Variants in HERC5 observed in about 807,000 individuals in gnomAD.
The protein encoded by HERC5 is HECT and RLD domain containing E3 ubiquitin protein ligase 5.
Under a neutral mutation model 119.6 loss-of-function variants are expected in HERC5, and 99 were observed. That is an observed-to-expected ratio of 0.83 (90% CI 0.70 to 0.98). HERC5 has a LOEUF of 0.98. HERC5 is among the 50% of genes least tolerant of loss of function. The pLI is 0.00. For missense variants in HERC5, 1,267 were observed against 1,241.3 expected (o/e 1.02, Z -0.31); for synonymous variants, 478 against 445.9 (o/e 1.07, Z -0.91).
In HERC5 at chr4:88,495,769, G is replaced by C. The variant is rs144855704; in HGVS notation, c.2444+1438G>C. 1.3e-3 allele frequency among the ~76,000 whole-genome samples: 190 copies of C among 151,930 alleles called. 4 individuals are homozygous for C. The highest frequency in any genetic ancestry group is 2.4e-4 in the Non-Finnish European group (16 of 67,928). On this transcript the variant is annotated intron_variant, in intron 18 of 22. Transcript: ENST00000264350. Reference sequence around the variant, plus strand: ...TAAGACAAGGAAAAAAAAATCAAAAGCACAAGATTTAGAAAGAAGGAGATA... The same window carrying C: ...TAAGACAAGGAAAAAAAAATCAAAACCACAAGATTTAGAAAGAAGGAGATA...
intron 18 of HERC5, among the ~76,000 whole-genome samples, chr4:88,498,224 G>A (rs1578067617): frequency 6.6e-6 from 1 of 152,280 alleles, no homozygotes; most frequent in East Asian, 1.9e-4. Context: ...GTGGAGTCAT[G>A]GGAGTGAGGC....
chr4:88,479,332 T>G (rs745565375), intron 12 of HERC5, 21 bp from the exon 13 acceptor site: 2 of 1,545,876 alleles, frequency 1.3e-6, no homozygotes, highest in African/African-American at 1.4e-5. Flanking sequence ...TTAAAAAATT[T>G]GCTTTCCTTG....
Position 88,489,175 on chromosome 4 carries a change from CAT to C in HERC5, c.1974_1975del (p.His658GlnfsTer5). 1 of 1,607,420 alleles carries C rather than the reference CAT, an allele frequency of 6.2e-7. No homozygotes were observed. Among genetic ancestry groups the C allele is most frequent in the Non-Finnish European group, 8.5e-7 (1 of 1,177,934 alleles). On this transcript the variant is annotated frameshift_variant, in exon 16 of 23. Coordinates refer to ENST00000264350, the MANE Select transcript of HERC5 (RefSeq NM_016323.4). LOFTEE classifies it high-confidence loss of function. Reference protein sequence around the residue: ...DTLLKIESKKHKAYLRSAAIE... With the variant: ...DTLLKIESKKXKAYLRSAAIE... ...GTTTCTGTTTTCCTAGAGTAAAAAA[CAT>C]AAAGCTTATCTTAGGTCGGCAGCAA...
At chr4:88,505,417 T>C (rs866987983) in intron 22 of HERC5, among the ~76,000 whole-genome samples, 13 of 152,358 alleles carry the variant, frequency 8.5e-5, no homozygotes, top group South Asian at 8.3e-4. Flanking sequence ...GGCTGTCTTA[T>C]ACCTTACAGC....
At chr4:88,462,442 A>C (rs1037961191) in intron 4 of HERC5, 86 bp downstream of exon 4, 67 of 1,105,080 alleles carry the variant, frequency 6.1e-5, no homozygotes, top group Admixed American at 1.4e-4. Context: ...AAATGGTTCA[A>C]ATCTTCACTT....
intron 4 of HERC5, among the ~76,000 whole-genome samples, 184 bp from the exon 5 acceptor site, chr4:88,463,348 G>T (rs904375442): frequency 6.6e-6 from 1 of 152,076 alleles, no homozygotes; most frequent in African/African-American, 2.4e-5. Flanking sequence ...GATCCTTTTG[G>T]CCACTGGTCC....
intron 16 of HERC5, 108 bp downstream of exon 16, chr4:88,489,444 GTTGT>G: frequency 7.2e-6 from 8 of 1,116,450 alleles, no homozygotes; most frequent in Non-Finnish European, 1.0e-5. Context: ...TGCCACAGAG[GTTGT>G]TTATTTTAGG....
At position 88,486,145 on chromosome 4, in the gene HERC5, A is replaced by C; in HGVS notation, c.1768A>C (p.Ser590Arg). 2 of 1,612,010 alleles carry C rather than the reference A, an allele frequency of 1.2e-6. No individual in the cohort carries two copies. Among genetic ancestry groups the C allele is most frequent in the Non-Finnish European group, 1.7e-6 (2 of 1,178,744 alleles). Reference protein sequence around the residue: ...VNQVKCQLPESIFQVDELLHR... With the variant: ...VNQVKCQLPERIFQVDELLHR... ...CCAGGTGAAATGTCAACTACCTGAAAGTATTTTCCAAGTAGACGAACTCTT... is the reference window on the plus strand; with the variant it reads ...CCAGGTGAAATGTCAACTACCTGAACGTATTTTCCAAGTAGACGAACTCTT... Residue 590 changes from serine (S) to arginine (R), a missense_variant, in exon 14 of 23, where the codon AGT (serine) becomes CGT (arginine). Ser to Arg is a moderately radical substitution (Grantham distance 110). Transcript: ENST00000264350.
intron 9 of HERC5, among the ~76,000 whole-genome samples, chr4:88,470,403 A>G (rs1384321823): frequency 1.3e-5 from 2 of 152,108 alleles, no homozygotes; most frequent in Non-Finnish European, 2.9e-5. Flanking sequence ...TTTATTTCCC[A>G]TGTTTGCCAC....
At chr4:88,501,653 A>G (rs892997648) in intron 20 of HERC5, among the ~76,000 whole-genome samples, 1 of 152,200 alleles carries the variant, frequency 6.6e-6, no homozygotes, top group South Asian at 2.1e-4. Flanking sequence ...CCTATATAAC[A>G]GAATTTTGCA....
At chr4:88,497,812 C>T (rs145132833) in intron 18 of HERC5, among the ~76,000 whole-genome samples, 4 of 152,060 alleles carry the variant, frequency 2.6e-5, no homozygotes, top group Non-Finnish European at 4.4e-5. Flanking sequence ...CTATTCATCA[C>T]GACAATGGAA....
chr4:88,463,899 T>G lies in HERC5; in HGVS notation c.825T>G (p.Leu275=). ...FTFGAGKHGQ[L]GHNSTQNELR... Reference sequence around the variant, plus strand: ...TCGGTGCTGGAAAACATGGGCAACTTGGTCATAATTCAACACAGAATGAGC... The same window carrying G: ...TCGGTGCTGGAAAACATGGGCAACTGGGTCATAATTCAACACAGAATGAGC... Residue 275 remains leucine (L), a synonymous_variant, in exon 6 of 23, where the codon CTT becomes CTG. Transcript: ENST00000264350. 1 of 1,614,084 alleles carries G rather than the reference T, an allele frequency of 6.2e-7. No homozygotes were observed. The highest frequency in any genetic ancestry group is 1.1e-5 in the South Asian group (1 of 91,078).
chr4:88,485,162 A>G (rs1444837126), intron 13 of HERC5, among the ~76,000 whole-genome samples: 1 of 152,220 alleles, frequency 6.6e-6, no homozygotes, highest in African/African-American at 2.4e-5. Flanking sequence ...TACAAGGAGA[A>G]TCACAAGAAA....
chr4:88,500,624 T>G (rs1304735284), intron 19 of HERC5, among the ~76,000 whole-genome samples: 1 of 152,268 alleles, frequency 6.6e-6, no homozygotes. Flanking sequence ...TTTGTAAATC[T>G]ACCATACTGG....
At chr4:88,503,909 AC>A (rs1742022869) in intron 20 of HERC5, among the ~76,000 whole-genome samples, 1 of 152,122 alleles carries the variant, frequency 6.6e-6, no homozygotes. Context: ...TACTAAAAAT[AC>A]AAAAAAATTA....
At chr4:88,481,212 C>T (rs1741265072) in intron 13 of HERC5, among the ~76,000 whole-genome samples, 2 of 152,124 alleles carry the variant, frequency 1.3e-5, no homozygotes, top group African/African-American at 4.8e-5. Flanking sequence ...GCCACCAAAC[C>T]TTGCTAATTT....
chr4:88,489,294 GCT>G lies in HERC5; in HGVS notation c.2092_2093del (p.Leu698LysfsTer4). 6.2e-7 allele frequency: 1 copy of G among 1,613,824 alleles called. No homozygotes were observed. Among genetic ancestry groups the G allele is most frequent in the Non-Finnish European group, 8.5e-7 (1 of 1,179,866 alleles). On this transcript the variant is annotated frameshift_variant, in exon 16 of 23. Coordinates refer to ENST00000264350, the MANE Select transcript of HERC5 (RefSeq NM_016323.4). LOFTEE classifies it high-confidence loss of function. Reference sequence around the variant, plus strand: ...ACTTGATTGAGGATGTTTTGAATCAGCTAAGTCAATTTGAGAATGAAGACCTG... The same window carrying G: ...ACTTGATTGAGGATGTTTTGAATCAGAAGTCAATTTGAGAATGAAGACCTG... ...NHLIEDVLNQ[L>X]SQFENEDLRK...
At chr4:88,501,345 C>T (rs963392560) in intron 20 of HERC5, among the ~76,000 whole-genome samples, 10 of 152,124 alleles carry the variant, frequency 6.6e-5, no homozygotes, top group Admixed American at 6.6e-4. Context: ...ATAGTGAATG[C>T]GGCAGGGACT....
chr4:88,490,647 C>T (rs181616377), intron 16 of HERC5, among the ~76,000 whole-genome samples: 3 of 152,238 alleles, frequency 2.0e-5, no homozygotes, highest in Non-Finnish European at 4.4e-5. Flanking sequence ...AGTTCGAAAC[C>T]AACCTGACCA....
Sources: allele counts gnomAD v4.1 joint callset (sites outside exome capture counted in the v4.1 genomes callset), GRCh38; gene constraint gnomAD v4.1.1; transcripts MANE v1.5; gene names NCBI Gene and HGNC (gene_info 2026-07-23, HGNC 2026-07-21).